ARHGAP44: variants seen among roughly 807,000 people sequenced by gnomAD.
ARHGAP44 encodes Rho GTPase activating protein 44, also known as rho GTPase-activating protein 44.
A neutral mutation model predicts 106.8 loss-of-function variants in ARHGAP44; 43 were observed. The observed-to-expected ratio is 0.40, with a 90% CI of 0.32 to 0.52. The LOEUF (loss-of-function observed/expected upper bound fraction) is 0.52. Ranked by LOEUF, ARHGAP44 falls within the 20% of genes least tolerant of loss-of-function variation. The pLI is 0.48. For synonymous variants in ARHGAP44, 439 were observed against 410.3 expected (o/e 1.07, Z -0.85); for missense variants, 866 against 1,050.5 (o/e 0.82, Z 2.43).
At position 12,984,760 on chromosome 17, in the gene ARHGAP44, G is replaced by C. The variant is rs1167989439; in HGVS notation, c.2169G>C (p.Leu723Phe). The C allele has an allele frequency of 6.2e-7, 1 of 1,613,890 alleles. No homozygotes were observed. Residue 723 changes from leucine (L) to phenylalanine (F), a missense_variant, in exon 20 of 21, where the codon TTG becomes TTC. Leu to Phe is a conservative substitution (Grantham distance 22). Transcript: ENST00000379672. ...CTCCTTCTGTCTTTACAAGCACTTT[G>C]AGCAAATCGCGGCCCACTCCTAAGC... ...LASPSVFTST[L>F]SKSRPTPKPR...
chr17:12,854,161 A>G (rs1327486639), intron 1 of ARHGAP44, among the ~76,000 whole-genome samples: 2 of 152,202 alleles, frequency 1.3e-5, no homozygotes, highest in Non-Finnish European at 2.9e-5. Context: ...ACCTCAGTCC[A>G]GATGGAGATG....
At chr17:12,884,756 A>G (rs1453447597) in intron 1 of ARHGAP44, among the ~76,000 whole-genome samples, 1 of 152,146 alleles carries the variant, frequency 6.6e-6, no homozygotes, top group Admixed American at 6.5e-5. Flanking sequence ...TAGCTTTTCC[A>G]GGGTGCCTTA....
At chr17:12,952,706 T>C in intron 13 of ARHGAP44, 125 bp downstream of exon 13, 2 of 574,392 alleles carry the variant, frequency 3.5e-6, no homozygotes, top group South Asian at 4.8e-5. Context: ...CAAGGTATTA[T>C]TAACATGCAT....
At chr17:12,919,872 C>A (rs543505080) in intron 6 of ARHGAP44, 41 bp downstream of exon 6, 27 of 1,550,024 alleles carry the variant, frequency 1.7e-5, no homozygotes, top group Middle Eastern at 3.4e-4. Context: ...TTTGAAGGGA[C>A]AGTGATCATA....
chr17:12,832,828 G>A (rs931062645), intron 1 of ARHGAP44, among the ~76,000 whole-genome samples: 1 of 152,220 alleles, frequency 6.6e-6, no homozygotes, highest in Admixed American at 6.5e-5. Flanking sequence ...GTTTGTAAAA[G>A]GGAAACATTG....
At chr17:12,975,838 G>A (rs1436968359) in intron 18 of ARHGAP44, among the ~76,000 whole-genome samples, 1 of 149,132 alleles carries the variant, frequency 6.7e-6, no homozygotes, top group Non-Finnish European at 1.5e-5. Context: ...CATGATTGCT[G>A]CCCTTAAAAA....
intron 19 of ARHGAP44, among the ~76,000 whole-genome samples, chr17:12,983,328 C>G (rs983597370): frequency 6.8e-6 from 1 of 147,142 alleles, no homozygotes; most frequent in African/African-American, 2.5e-5. Flanking sequence ...TTAAGCCTAA[C>G]AGGTTAGTGA....
chr17:12,867,855 C>G (rs2036277614), intron 1 of ARHGAP44, among the ~76,000 whole-genome samples: 1 of 152,132 alleles, frequency 6.6e-6, no homozygotes. Context: ...TTGAATAGCA[C>G]CTAACGTATA....
Position 12,980,247 on chromosome 17 carries a change from T to G in ARHGAP44, c.1939+14T>G. 2 of 1,595,806 alleles carry G rather than the reference T, an allele frequency of 1.3e-6. No homozygotes were observed. Among genetic ancestry groups the G allele is most frequent in the Non-Finnish European group, 1.7e-6 (2 of 1,170,052 alleles). On this transcript the variant is annotated intron_variant, in intron 19 of 20. Coordinates refer to ENST00000379672, the MANE Select transcript of ARHGAP44 (RefSeq NM_014859.6). ...CCCTCCGGAAAGGTATGGCCCTGCTTCCCTTCTCCTTGGTCTCAGGCCGGA... is the reference window on the plus strand; with the variant it reads ...CCCTCCGGAAAGGTATGGCCCTGCTGCCCTTCTCCTTGGTCTCAGGCCGGA...
At chr17:12,965,507 G>C (rs569158317) in intron 16 of ARHGAP44, among the ~76,000 whole-genome samples, 1 of 152,330 alleles carries the variant, frequency 6.6e-6, no homozygotes, top group East Asian at 1.9e-4. Context: ...AGGCACACTT[G>C]ATTGAGAGGG....
At chr17:12,963,466 C>T (rs780953240) in intron 16 of ARHGAP44, among the ~76,000 whole-genome samples, 30 of 151,924 alleles carry the variant, frequency 2.0e-4, no homozygotes, top group Non-Finnish European at 3.7e-4. Context: ...TGACAGCCAG[C>T]ACAGCTCCAA....
intron 1 of ARHGAP44, among the ~76,000 whole-genome samples, chr17:12,816,092 T>G (rs1445976112): frequency 6.6e-6 from 1 of 152,092 alleles, no homozygotes; most frequent in East Asian, 1.9e-4. Flanking sequence ...ATGGTTGATT[T>G]GGAACAGTAC....
At chr17:12,840,855 C>T (rs1263755052) in intron 1 of ARHGAP44, among the ~76,000 whole-genome samples, 1 of 152,094 alleles carries the variant, frequency 6.6e-6, no homozygotes, top group Non-Finnish European at 1.5e-5. Flanking sequence ...CTCCACAAAC[C>T]CCACTGATGA....
intron 1 of ARHGAP44, among the ~76,000 whole-genome samples, chr17:12,840,660 G>C (rs1035867823): frequency 1.3e-5 from 2 of 152,190 alleles, no homozygotes; most frequent in African/African-American, 4.8e-5. Flanking sequence ...GTTCCTGGGG[G>C]AGCAGCTTAG....
chr17:12,923,417 T>C (rs2038142459), intron 6 of ARHGAP44, among the ~76,000 whole-genome samples: 1 of 152,198 alleles, frequency 6.6e-6, no homozygotes, highest in Non-Finnish European at 1.5e-5. Context: ...GGTTTCGCCA[T>C]GTTGGCCAGG....
intron 1 of ARHGAP44, among the ~76,000 whole-genome samples, chr17:12,846,031 C>T (rs9912730): frequency 0.29 from 43,862 of 151,126 alleles, 9,285 homozygotes; most frequent in African/African-American, 0.6. Context: ...AGAACTTTGA[C>T]CTTGTTTTTA....
intron 1 of ARHGAP44, among the ~76,000 whole-genome samples, chr17:12,845,518 A>C (rs895397342): frequency 2.8e-4 from 28 of 99,186 alleles, no homozygotes; most frequent in South Asian, 1.0e-3. Flanking sequence ...AAAAAAAAAA[A>C]AAAACAAAAA....
chr17:12,793,693 G>A (rs2150751572), intron 1 of ARHGAP44, among the ~76,000 whole-genome samples: 1 of 150,860 alleles, frequency 6.6e-6, no homozygotes, highest in East Asian at 2.0e-4. Flanking sequence ...GGGCGACAGA[G>A]TGAGACTCCA....
Position 12,900,161 on chromosome 17 carries a change from G to T in ARHGAP44, c.198+3650G>T, listed in dbSNP as rs188679002. Among the ~76,000 whole-genome samples the T allele has an allele frequency of 1.9e-3, 292 of 151,088 alleles. 1 individual carries two copies. Among genetic ancestry groups the T allele is most frequent in the African/African-American group, 6.8e-3 (278 of 41,102 alleles). On this transcript the variant is annotated intron_variant, in intron 3 of 20. Coordinates refer to ENST00000379672, the MANE Select transcript of ARHGAP44 (RefSeq NM_014859.6). ...TTATTTTTTTTTGAGACAGAGCCTT[G>T]CTCTGTCGCCCAGGCTGGAGCGCAG...
Sources: allele counts gnomAD v4.1 joint callset (sites outside exome capture counted in the v4.1 genomes callset), GRCh38; gene constraint gnomAD v4.1.1; transcripts MANE v1.5; gene names NCBI Gene and HGNC (gene_info 2026-07-23, HGNC 2026-07-21).